SH3GL3: variants seen among roughly 807,000 people sequenced by gnomAD.
The protein encoded by SH3GL3 is SH3 domain containing GRB2 like 3, endophilin A3, also known as endophilin-A3.
SH3GL3 carries 33 observed loss-of-function variants against 47.7 expected under a neutral mutation model. The ratio of observed to expected loss-of-function variants is 0.69; its 90% CI spans 0.52 to 0.92. The LOEUF is 0.92. SH3GL3 is among the 40% of genes least tolerant of loss of function. SH3GL3 has a pLI of 0.00. For synonymous variants in SH3GL3, 155 were observed against 148.8 expected, an observed-to-expected ratio of 1.04 and a Z score of -0.30; for missense variants, 363 against 417.8, an observed-to-expected ratio of 0.87 and a Z score of 1.14.
intron 1 of SH3GL3, among the ~76,000 whole-genome samples, chr15:83,471,440 A>G (rs2040825092): frequency 6.6e-6 from 1 of 152,230 alleles, no homozygotes; most frequent in Non-Finnish European, 1.5e-5. Context: ...ATTAAAAGCT[A>G]ACTTAGAACT....
chr15:83,613,869 G>A (rs1278396312), intron 8 of SH3GL3, among the ~76,000 whole-genome samples: 5 of 152,112 alleles, frequency 3.3e-5, no homozygotes, highest in Admixed American at 1.3e-4. Context: ...GCTTCTCTTG[G>A]AAAAGGAGAG....
At chr15:83,463,389 A>G (rs1025626409) in intron 1 of SH3GL3, among the ~76,000 whole-genome samples, 3 of 151,924 alleles carry the variant, frequency 2.0e-5, no homozygotes, top group Non-Finnish European at 4.4e-5. Context: ...ACATGAGCTT[A>G]TCCTTTTTGT....
chr15:83,486,158 A>G (rs1213700810), intron 1 of SH3GL3, among the ~76,000 whole-genome samples: 3 of 152,226 alleles, frequency 2.0e-5, no homozygotes, highest in African/African-American at 2.4e-5. Flanking sequence ...AATGTCTTTT[A>G]TGGCCAGCCT....
chr15:83,591,920 G>A (rs1020173899), intron 8 of SH3GL3, among the ~76,000 whole-genome samples: 6 of 151,530 alleles, frequency 4.0e-5, no homozygotes, highest in Admixed American at 6.6e-5. Flanking sequence ...TGATCCGCCC[G>A]CCTTGGCCTC....
chr15:83,534,669 A>C (rs1022576058), intron 1 of SH3GL3, among the ~76,000 whole-genome samples: 1 of 152,248 alleles, frequency 6.6e-6, no homozygotes, highest in African/African-American at 2.4e-5. Context: ...TCAGAAAAAT[A>C]GTTACCTACT....
intron 1 of SH3GL3, among the ~76,000 whole-genome samples, chr15:83,557,673 C>G (rs567047846): frequency 6.6e-6 from 1 of 152,318 alleles, no homozygotes; most frequent in South Asian, 2.1e-4. Context: ...CCACTTGTTT[C>G]TCTCCATTCA....
At chr15:83,568,140 G>A (rs1020830927) in intron 3 of SH3GL3, among the ~76,000 whole-genome samples, 1 of 151,882 alleles carries the variant, frequency 6.6e-6, no homozygotes, top group Non-Finnish European at 1.5e-5. Flanking sequence ...GTGCCACCAC[G>A]CCCAGCTAAT....
At chr15:83,621,924 T>C (rs968534933), downstream of SH3GL3, among the ~76,000 whole-genome samples, 1 of 152,204 alleles carries the variant, frequency 6.6e-6, no homozygotes, top group Non-Finnish European at 1.5e-5. Flanking sequence ...CCCAGTCTTC[T>C]GATTCCACGG....
chr15:83,602,703 G>A (rs1018616631), intron 8 of SH3GL3, among the ~76,000 whole-genome samples: 1 of 152,150 alleles, frequency 6.6e-6, no homozygotes. Context: ...AACAATGATG[G>A]ACTCCTGCTG....
intron 8 of SH3GL3, among the ~76,000 whole-genome samples, chr15:83,605,785 T>C (rs1264480692): frequency 6.6e-6 from 1 of 152,154 alleles, no homozygotes; most frequent in Non-Finnish European, 1.5e-5. Flanking sequence ...TGTGGGGTCA[T>C]GCTGTTTCAT....
At chr15:83,581,020 G>C (rs2059815240) in intron 6 of SH3GL3, among the ~76,000 whole-genome samples, 1 of 152,242 alleles carries the variant, frequency 6.6e-6, no homozygotes, top group Admixed American at 6.5e-5. Context: ...GTCCATCTCT[G>C]TTTGGCACTG....
the SH3GL3 span, among the ~76,000 whole-genome samples, chr15:83,627,213 C>T: frequency 8.2e-3 from 1,247 of 151,994 alleles, 12 homozygotes; most frequent in African/African-American, 0.028. Context: ...CTGGCTAACA[C>T]GGTGAAACCC....
intron 1 of SH3GL3, among the ~76,000 whole-genome samples, chr15:83,508,783 G>A (rs180837263): frequency 6.6e-6 from 1 of 152,024 alleles, no homozygotes; most frequent in Non-Finnish European, 1.5e-5. Context: ...TCACCATCTG[G>A]TTGGCCACCA....
At chr15:83,511,212 C>A (rs1042671216) in intron 1 of SH3GL3, among the ~76,000 whole-genome samples, 1 of 151,778 alleles carries the variant, frequency 6.6e-6, no homozygotes, top group African/African-American at 2.4e-5. Context: ...GGTCCTGGGA[C>A]CCCCATGATG....
intron 1 of SH3GL3, among the ~76,000 whole-genome samples, chr15:83,486,523 A>G (rs957639984): frequency 6.6e-6 from 1 of 152,112 alleles, no homozygotes; most frequent in African/African-American, 2.4e-5. Context: ...TGCTTCTTTT[A>G]CTTAGCACAG....
chr15:83,447,685 G>A lies in SH3GL3; in HGVS notation c.45+107G>A, dbSNP rs914890033. On this transcript the variant is annotated intron_variant, in intron 1 of 8. Transcript: ENST00000427482. This position sits in a 1 kb window ranked among gnomAD's most constrained non-coding sequence, Gnocchi z 5.1. ...TGTTCCCTGAAGGGCCTCTCTCGGG[G>A]CTCAATTTCTTCCCGCCTAGGAGGG... The A allele has an allele frequency of 3.2e-5, 25 of 775,134 alleles. No homozygotes were observed. The highest frequency in any genetic ancestry group is 4.4e-5 in the Non-Finnish European group (23 of 525,040). The allele number at this position is 775,134 out of a possible 1,614,324, so 48.0% of individuals were successfully genotyped here. A position where few individuals can be genotyped will look rare whatever the true frequency, so the allele number is the denominator to read the frequency against.
rs570015786 is a variant in SH3GL3, at chr15:83,447,508, C to T, written c.-26C>T. 1,032 of 1,496,508 alleles carry T rather than the reference C, an allele frequency of 6.9e-4. 1 individual carries two copies. Among genetic ancestry groups the T allele is most frequent in the Non-Finnish European group, 8.7e-4 (974 of 1,120,914 alleles). The allele number at this position is 1,496,508 out of a possible 1,614,324, so 92.7% of individuals were successfully genotyped here. On this transcript the variant is annotated 5_prime_UTR_variant, in exon 1 of 9. Transcript: ENST00000427482. The surrounding 1 kb of genome is among the most constrained non-coding windows in gnomAD (Gnocchi z 5.1). ...GTGGCCCAGCCGAGCCTTGAGACCACCCCGCCCCTGCCGGTCGCAGTCGCG... is the reference window on the plus strand; with the variant it reads ...GTGGCCCAGCCGAGCCTTGAGACCATCCCGCCCCTGCCGGTCGCAGTCGCG...
At chr15:83,565,886 C>T (rs1157009424) in intron 3 of SH3GL3, 2 of 152,092 alleles carry the variant, frequency 1.3e-5, no homozygotes, top group African/African-American at 4.8e-5. Context: ...ACAAACCTAA[C>T]CATTTGAAAA....
chr15:83,620,894 C>CAGCTTCATCAATAATCTT (rs1213321178), downstream of SH3GL3, among the ~76,000 whole-genome samples: 2 of 152,180 alleles, frequency 1.3e-5, no homozygotes, highest in Admixed American at 1.3e-4. Flanking sequence ...TTAGTTTAGC[C>CAGCTTCATCAATAATCTT]AGCTTCATCA....
Sources: gnomAD v4.1 joint callset for allele counts (sites outside exome capture counted in the v4.1 genomes callset) on GRCh38, gnomAD v4.1.1 for gene constraint, Gnocchi (gnomAD v3.1) non-coding constraint, MANE v1.5 for transcripts, NCBI Gene and HGNC (gene_info 2026-07-23, HGNC 2026-07-21) for gene names.